Variants in POF1B observed in about 807,000 individuals in gnomAD.
The protein encoded by POF1B is protein POF1B.
Under a neutral mutation model 55.3 loss-of-function variants are expected in POF1B, and 53 were observed. That is an observed-to-expected ratio of 0.96 (90% CI 0.77 to 1.20). The LOEUF (loss-of-function observed/expected upper bound fraction) is 1.20. Among genes scored for constraint, POF1B ranks in the 50% most tolerant of loss-of-function variants. The pLI is 0.00. For synonymous variants in POF1B, 188 were observed against 148.3 expected (o/e 1.27, Z -1.95); for missense variants, 478 against 420.5 (o/e 1.14, Z -1.20).
Position 85,306,049 on chromosome X carries a change from T to C in POF1B, c.1317+132A>G, listed in dbSNP as rs363760. Reference sequence around the variant, plus strand: ...ATGAAAGTGATTTTCAGGAACTGCATTATAAAGCTCAAATGTCAGTGATTA... The same window carrying C: ...ATGAAAGTGATTTTCAGGAACTGCACTATAAAGCTCAAATGTCAGTGATTA... On this transcript the variant is annotated intron_variant, in intron 12 of 16. Coordinates refer to ENST00000262753, the MANE Select transcript of POF1B (RefSeq NM_024921.4). The C allele has an allele frequency of 2.8e-4, 271 of 954,357 alleles. 2 individuals are homozygous for C. The East Asian group carries it at 8.2e-3, about 29-fold the overall frequency. The allele number at this position is 954,357 out of a possible 1,213,427, so 78.6% of individuals were successfully genotyped here.
At chrX:85,374,319 A>G (rs1259141021) in intron 2 of POF1B, among the ~76,000 whole-genome samples, 1 of 111,403 alleles carries the variant, frequency 9.0e-6, no homozygotes, top group East Asian at 2.8e-4. Flanking sequence ...TTTAGACTGC[A>G]AAATCTGAAC....
chrX:85,331,479 T>C (rs185770858), intron 6 of POF1B, among the ~76,000 whole-genome samples: 115 of 111,396 alleles, frequency 1.0e-3, no homozygotes, highest in African/African-American at 3.6e-3. Context: ...AAAGTACATA[T>C]TTATGAGTTT....
chrX:85,327,469 T>C (rs1172619886), intron 7 of POF1B, among the ~76,000 whole-genome samples: 1 of 112,056 alleles, frequency 8.9e-6, no homozygotes, highest in Admixed American at 9.4e-5. Flanking sequence ...TAAAACTATA[T>C]GAACTAGTGA....
chrX:85,307,699 C>A (rs1435960623), intron 10 of POF1B, among the ~76,000 whole-genome samples: 3 of 110,870 alleles, frequency 2.7e-5, no homozygotes, highest in Non-Finnish European at 5.7e-5. Context: ...GCTGATGGCA[C>A]CAAGAACACC....
Position 85,306,247 on chromosome X carries a change from G to A in POF1B, c.1251C>T (p.Tyr417=). Residue 417 remains tyrosine, a synonymous_variant, in exon 12 of 17, where the codon TAC becomes TAT. Transcript: ENST00000262753. ...SLRHTLSDME[Y]RLKELEYCKR... ...TACAATATTCCAGTTCTTTTAGTCT[G>A]TATTCCATGTCTGATAGTGTATGTC... 2 of 1,202,636 alleles carry A rather than the reference G, an allele frequency of 1.7e-6. No homozygotes were observed. The highest frequency in any genetic ancestry group is 1.7e-5 in the African/African-American group (1 of 57,549).
chrX:85,328,220 T>TTTATTTA (rs1932921899), intron 7 of POF1B, among the ~76,000 whole-genome samples: 4 of 98,511 alleles, frequency 4.1e-5, no homozygotes, highest in African/African-American at 1.5e-4. Context: ...TTATTTATTT[T>TTTATTTA]TTGAGATGGA....
chrX:85,359,320 C>G (rs1038332053), intron 4 of POF1B, among the ~76,000 whole-genome samples: 2 of 110,807 alleles, frequency 1.8e-5, no homozygotes, highest in African/African-American at 6.5e-5. Flanking sequence ...CTTTACAACC[C>G]AAGAATTTCC....
chrX:85,347,596 G>T (rs1473178197), intron 5 of POF1B, among the ~76,000 whole-genome samples: 2 of 110,374 alleles, frequency 1.8e-5, no homozygotes, highest in African/African-American at 6.6e-5. Context: ...TCCTTTCAAT[G>T]TTTTTTATAC....
chrX:85,290,445 G>C (rs1008930548), intron 15 of POF1B, among the ~76,000 whole-genome samples: 6 of 111,413 alleles, frequency 5.4e-5, no homozygotes, highest in African/African-American at 2.0e-4. Context: ...TGGGTAGAAT[G>C]CTTTTTTTTA....
chrX:85,355,289 C>G (rs765805646), intron 4 of POF1B, among the ~76,000 whole-genome samples: 1 of 111,785 alleles, frequency 8.9e-6, no homozygotes, highest in Non-Finnish European at 1.9e-5. Context: ...CTTCCTTACA[C>G]CTTATACAAA....
chrX:85,346,184 A>AT (rs1933267597), intron 5 of POF1B, 142 bp from the exon 6 acceptor site: 1 of 442,514 alleles, frequency 2.3e-6, no homozygotes, highest in Non-Finnish European at 3.4e-6. Context: ...AACTAGTGAT[A>AT]TTTTTTCAAT....
chrX:85,314,236 T>G (rs1276459957), intron 9 of POF1B, among the ~76,000 whole-genome samples, 196 bp downstream of exon 9: 1 of 111,147 alleles, frequency 9.0e-6, no homozygotes, highest in Admixed American at 9.6e-5. Flanking sequence ...GAGAATGTTT[T>G]CCCAAATGCT....
Position 85,328,168 on chromosome X carries a change from TTTTATTTATTTATTTA to T in POF1B, c.854+2765_854+2780del, listed in dbSNP as rs200508166. ...TGACACTCCCTGTATACAATATCTT[TTTTATTTATTTATTTA>T]TTTATTTATTTATTTATTTATTTAT... On this transcript the variant is annotated intron_variant, in intron 7 of 16. Coordinates refer to ENST00000262753, the MANE Select transcript of POF1B (RefSeq NM_024921.4). 4.6e-3 allele frequency among the ~76,000 whole-genome samples: 465 copies of T among 100,486 alleles called. 15 individuals are homozygous for T. Among genetic ancestry groups the T allele is most frequent in the Admixed American group, 0.031 (285 of 9,057 alleles). 87.3% of individuals were successfully genotyped at this position (100,486 alleles called of 115,157 possible).
chrX:85,317,448 A>G (rs1157317235), intron 7 of POF1B, among the ~76,000 whole-genome samples: 1 of 109,242 alleles, frequency 9.2e-6, no homozygotes, highest in East Asian at 3.0e-4. Context: ...TCATTTTTTG[A>G]CTTTTTAATA....
intron 9 of POF1B, among the ~76,000 whole-genome samples, chrX:85,313,493 T>C: frequency 8.9e-6 from 1 of 112,304 alleles, no homozygotes. Context: ...GATTTGCATA[T>C]GTTGAATCAG....
chrX:85,358,301 G>A (rs1183958711), intron 4 of POF1B, among the ~76,000 whole-genome samples: 1 of 110,927 alleles, frequency 9.0e-6, no homozygotes, highest in Non-Finnish European at 1.9e-5. Flanking sequence ...GTCCTTTCAC[G>A]GCATCTATCC....
intron 14 of POF1B, 49 bp from the exon 15 acceptor site, chrX:85,303,537 A>G (rs772024612): frequency 5.9e-5 from 50 of 841,259 alleles, no homozygotes; most frequent in Non-Finnish European, 8.4e-5. Flanking sequence ...TAGAAACATG[A>G]GATAATAAAT....
At chrX:85,332,510 C>T (rs761281244) in intron 6 of POF1B, among the ~76,000 whole-genome samples, 12 of 111,247 alleles carry the variant, frequency 1.1e-4, no homozygotes, top group African/African-American at 3.9e-4. Context: ...CTACTTTCAA[C>T]ATTGCATGTA....
intron 7 of POF1B, among the ~76,000 whole-genome samples, chrX:85,320,262 A>G (rs996843732): frequency 1.7e-4 from 19 of 110,950 alleles, no homozygotes; most frequent in Admixed American, 9.7e-4. Context: ...ATTATTTATC[A>G]AACTAGAACT....
Sources: gnomAD v4.1 joint callset for allele counts (sites outside exome capture counted in the v4.1 genomes callset) on GRCh38, gnomAD v4.1.1 for gene constraint, MANE v1.5 for transcripts, NCBI Gene and HGNC (gene_info 2026-07-23, HGNC 2026-07-21) for gene names.